CNBD1: variants seen among roughly 807,000 people sequenced by gnomAD.
The protein encoded by CNBD1 is cyclic nucleotide binding domain containing 1, also known as cyclic nucleotide-binding domain-containing protein 1.
A neutral mutation model predicts 54.4 loss-of-function variants in CNBD1; 71 were observed. The ratio of observed to expected loss-of-function variants is 1.30; its 90% CI spans 1.08 to 1.59. CNBD1 has a LOEUF of 1.59. Among genes scored for constraint, CNBD1 ranks in the 40% most tolerant of loss-of-function variants. The pLI, the probability that CNBD1 is intolerant of heterozygous loss-of-function variation, is 0.00. For synonymous variants in CNBD1, 182 were observed against 170.7 expected, an observed-to-expected ratio of 1.07 and a Z score of -0.51; for missense variants, 659 against 518.0, an observed-to-expected ratio of 1.27 and a Z score of -2.64.
At chr8:87,415,931 G>T (rs777458093) in intron 2 of CNBD1, among the ~76,000 whole-genome samples, 1 of 151,526 alleles carries the variant, frequency 6.6e-6, no homozygotes, top group Non-Finnish European at 1.5e-5. Flanking sequence ...AGAAACAAAT[G>T]ACATAAAAAT....
At chr8:87,410,010 G>A (rs756640447) in intron 2 of CNBD1, among the ~76,000 whole-genome samples, 11 of 151,350 alleles carry the variant, frequency 7.3e-5, no homozygotes, top group Admixed American at 1.3e-4. Flanking sequence ...GTGACAGAGC[G>A]AGACTCTGTT....
intron 4 of CNBD1, among the ~76,000 whole-genome samples, chr8:87,187,746 T>A (rs1050229341): frequency 2.6e-5 from 4 of 152,216 alleles, no homozygotes; most frequent in Admixed American, 1.3e-4. Context: ...CTAATTTTAA[T>A]AACCTGATCT....
intron 10 of CNBD1, among the ~76,000 whole-genome samples, chr8:87,372,115 A>T (rs1295332981): frequency 3.9e-5 from 6 of 152,086 alleles, no homozygotes; most frequent in Non-Finnish European, 8.8e-5. Flanking sequence ...AAATCTTCTT[A>T]AGCTGATAAG....
intron 4 of CNBD1, among the ~76,000 whole-genome samples, chr8:87,057,791 G>A (rs1259200790): frequency 6.6e-6 from 1 of 152,096 alleles, no homozygotes; most frequent in East Asian, 1.9e-4. Context: ...AGAGGTTGCA[G>A]TGAGCCAAGA....
In CNBD1 at chr8:87,365,605, C is replaced by T. The variant is rs558592254; in HGVS notation, c.1303+11819C>T. ...AGGTTCTATGTTTACATTGCCATGC[C>T]ATGTCTAACAATAAGGTCCACTTGT... On this transcript the variant is annotated intron_variant, in intron 10 of 10. Transcript: ENST00000518476. 3.3e-5 allele frequency among the ~76,000 whole-genome samples: 5 copies of T among 151,974 alleles called. No homozygotes were observed. The South Asian group carries it at 1.0e-3, about 32-fold the overall frequency.
chr8:87,308,907 C>T (rs1302787482), intron 8 of CNBD1, among the ~76,000 whole-genome samples: 3 of 152,278 alleles, frequency 2.0e-5, no homozygotes, highest in Admixed American at 6.5e-5. Context: ...CATGTTGCTG[C>T]ATATGACAGC....
intron 8 of CNBD1, among the ~76,000 whole-genome samples, chr8:87,327,774 A>T (rs954563781): frequency 6.6e-6 from 1 of 151,968 alleles, no homozygotes; most frequent in African/African-American, 2.4e-5. Flanking sequence ...TGCGTCGCTC[A>T]CGCTGGGAGC....
intron 8 of CNBD1, among the ~76,000 whole-genome samples, chr8:87,291,918 G>C (rs1808793894): frequency 6.6e-6 from 1 of 152,122 alleles, no homozygotes; most frequent in Middle Eastern, 3.2e-3. Context: ...TCTAGAATTT[G>C]CAAGCCCTTG....
intron 8 of CNBD1, among the ~76,000 whole-genome samples, chr8:87,328,384 AATT>A (rs912181787): frequency 6.2e-4 from 94 of 151,832 alleles, no homozygotes; most frequent in Admixed American, 5.4e-3. Flanking sequence ...TTAATACTTT[AATT>A]ATTGTGTATA....
At chr8:87,313,784 A>G (rs1184435972) in intron 8 of CNBD1, among the ~76,000 whole-genome samples, 1 of 151,942 alleles carries the variant, frequency 6.6e-6, no homozygotes, top group Non-Finnish European at 1.5e-5. Flanking sequence ...TTAAATGCTT[A>G]TATGCATTTA....
chr8:86,937,527 A>T (rs894683630), intron 3 of CNBD1, among the ~76,000 whole-genome samples: 2 of 152,216 alleles, frequency 1.3e-5, no homozygotes, highest in Admixed American at 1.3e-4. Flanking sequence ...CCTTCTGCCT[A>T]TGAGACTCTG....
At chr8:87,096,772 T>A (rs534870368) in intron 4 of CNBD1, among the ~76,000 whole-genome samples, 5 of 152,142 alleles carry the variant, frequency 3.3e-5, no homozygotes, top group Non-Finnish European at 7.4e-5. Flanking sequence ...ATGAGAGGCT[T>A]TGCTGCTTCT....
intron 1 of CNBD1, among the ~76,000 whole-genome samples, chr8:86,867,524 T>G (rs1175969167): frequency 1.3e-5 from 2 of 152,234 alleles, no homozygotes; most frequent in African/African-American, 4.8e-5. Flanking sequence ...TTGATACTCC[T>G]TGAAGGGGTA....
At chr8:86,894,304 A>C (rs888681791) in intron 2 of CNBD1, among the ~76,000 whole-genome samples, 15 of 141,332 alleles carry the variant, frequency 1.1e-4, no homozygotes, top group Non-Finnish European at 1.7e-4. Flanking sequence ...CTCATGATCC[A>C]CCCGCCTCGG....
At chr8:87,358,738 C>G (rs1810469812) in intron 10 of CNBD1, among the ~76,000 whole-genome samples, 1 of 152,106 alleles carries the variant, frequency 6.6e-6, no homozygotes, top group African/African-American at 2.4e-5. Context: ...TGAAGGGGAA[C>G]TGAGGGTGTA....
chr8:87,272,950 A>G (rs1808397442), intron 6 of CNBD1, among the ~76,000 whole-genome samples: 1 of 151,958 alleles, frequency 6.6e-6, no homozygotes, highest in Non-Finnish European at 1.5e-5. Flanking sequence ...AATTGTTAAT[A>G]TGCTTATAGT....
At chr8:87,214,107 G>A (rs116736343) in intron 5 of CNBD1, among the ~76,000 whole-genome samples, 3,672 of 152,274 alleles carry the variant, frequency 0.024, 133 homozygotes, top group African/African-American at 0.071. Context: ...CTGTGGCTTT[G>A]CAGGATCCCA....
At chr8:87,240,321 A>T (rs751848113) in intron 6 of CNBD1, among the ~76,000 whole-genome samples, 3 of 152,138 alleles carry the variant, frequency 2.0e-5, no homozygotes, top group Non-Finnish European at 4.4e-5. Context: ...ATTTGGAATT[A>T]TGTGGAAAAA....
chr8:87,385,538 A>T (rs1343543191), downstream of CNBD1, among the ~76,000 whole-genome samples: 1 of 152,084 alleles, frequency 6.6e-6, no homozygotes, highest in Non-Finnish European at 1.5e-5. Flanking sequence ...GCAGTCTGAG[A>T]TCAAACTGCA....
Sources: allele counts gnomAD v4.1 joint callset (sites outside exome capture counted in the v4.1 genomes callset), GRCh38; gene constraint gnomAD v4.1.1; transcripts MANE v1.5; gene names NCBI Gene and HGNC (gene_info 2026-07-23, HGNC 2026-07-21).